The following IRAG1 variants were observed in gnomAD, a reference collection of about 807,000 sequenced individuals.
The protein encoded by IRAG1 is IP3R-associated cGMP kinase substrate.
In IRAG1, 62 loss-of-function variants were observed where a neutral mutation model predicts 106.2. That is an observed-to-expected ratio of 0.58 (90% CI 0.48 to 0.72). The LOEUF is 0.72. Ranked by LOEUF, IRAG1 falls within the 30% of genes least tolerant of loss-of-function variation. The pLI is 0.00. For synonymous variants in IRAG1, 462 were observed against 443.9 expected (o/e 1.04, Z -0.51); for missense variants, 1,064 against 1,140.7 (o/e 0.93, Z 0.97).
Position 10,665,423 on chromosome 11 carries a change from C to T in IRAG1, c.68-13241G>A, listed in dbSNP as rs1406000782. Among the ~76,000 whole-genome samples, 1 of 152,218 alleles carries T rather than the reference C, an allele frequency of 6.6e-6. No individual in the cohort carries two copies. The highest frequency in any genetic ancestry group is 2.1e-4 in the South Asian group (1 of 4,832). Reference sequence around the variant, plus strand: ...AGAGGAGTGACTCGGTTTGACCAACCTCCATGTTCCTGCCTAGACGATAGA... The same window carrying T: ...AGAGGAGTGACTCGGTTTGACCAACTTCCATGTTCCTGCCTAGACGATAGA... On this transcript the variant is annotated intron_variant, in intron 1 of 20. Transcript: ENST00000423302. The surrounding 1 kb of genome is among the most constrained non-coding windows in gnomAD (Gnocchi z 4.2).
rs557262282 is a variant in IRAG1 at position 10,641,479 on chromosome 11, C to T, written c.226-7408G>A. Among the ~76,000 whole-genome samples the T allele has an allele frequency of 5.9e-5, 9 of 152,288 alleles. No homozygotes were observed. In the South Asian group the frequency reaches 1.0e-3, roughly 18 times the overall value. ...ACCCACCACCAAGGCCACCTTCACCCGGCTCCACTCCCTCTCACCCTCTGC... is the reference window on the plus strand; with the variant it reads ...ACCCACCACCAAGGCCACCTTCACCTGGCTCCACTCCCTCTCACCCTCTGC... On this transcript the variant is annotated intron_variant, in intron 2 of 20. Transcript: ENST00000423302.
At chr11:10,631,780 C>T (rs1856709695) in intron 4 of IRAG1, among the ~76,000 whole-genome samples, 1 of 152,244 alleles carries the variant, frequency 6.6e-6, no homozygotes, top group South Asian at 2.1e-4. Context: ...GCATCTTCCT[C>T]TTCATGCCCT....
chr11:10,584,765 T>C (rs2134128114), intron 18 of IRAG1, among the ~76,000 whole-genome samples: 1 of 152,110 alleles, frequency 6.6e-6, no homozygotes, highest in South Asian at 2.1e-4. Flanking sequence ...CTTCCTGAAC[T>C]TCAGATTCCT....
rs190763271 is a variant in IRAG1, at chr11:10,647,835, T to G, written c.225+4190A>C. ...TGTCCTGAGCGGAGGTTAGGAAGGC[T>G]CTGAACACTGTCATGGGAGCAAAGA... On this transcript the variant is annotated intron_variant, in intron 2 of 20. Coordinates refer to ENST00000423302, the MANE Select transcript of IRAG1 (RefSeq NM_130385.4). The surrounding 1 kb of genome is among the most constrained non-coding windows in gnomAD (Gnocchi z 4.3). Among the ~76,000 whole-genome samples the G allele has an allele frequency of 7.2e-5, 11 of 152,238 alleles. No individual in the cohort carries two copies. The highest frequency in any genetic ancestry group is 7.2e-4 in the Admixed American group (11 of 15,288).
In IRAG1 at chr11:10,573,420, CATCCTCACTGAAA is replaced by C. The variant is rs1850681578; in HGVS notation, c.*2899_*2911del. 1 of 152,320 alleles carries C rather than the reference CATCCTCACTGAAA, an allele frequency of 6.6e-6. No homozygotes were observed. Among genetic ancestry groups the C allele is most frequent in the Non-Finnish European group, 1.5e-5 (1 of 68,114 alleles). 9.4% of individuals were successfully genotyped at this position (152,320 alleles called of 1,614,324 possible). On this transcript the variant is annotated 3_prime_UTR_variant, in exon 21 of 21. Coordinates refer to ENST00000423302, the MANE Select transcript of IRAG1 (RefSeq NM_130385.4). Reference sequence around the variant, plus strand: ...GCATTTGGGGGACTCTTCAGATCCACATCCTCACTGAAAATCCAGGGCCTGTTTCTCTCCAGTT... The same window carrying C: ...GCATTTGGGGGACTCTTCAGATCCACATCCAGGGCCTGTTTCTCTCCAGTT...
intron 2 of IRAG1, among the ~76,000 whole-genome samples, chr11:10,638,844 G>T (rs1165088553): frequency 2.6e-5 from 4 of 152,150 alleles, no homozygotes; most frequent in Non-Finnish European, 4.4e-5. Flanking sequence ...GTGGTATTAG[G>T]AGAGTTATAG....
At chr11:10,580,431 G>A in intron 20 of IRAG1, 24 bp downstream of exon 20, 1 of 1,600,742 alleles carries the variant, frequency 6.2e-7, no homozygotes, top group South Asian at 1.1e-5. Flanking sequence ...GCAACGGCAA[G>A]GACTCCAAAC....
chr11:10,677,711 C>A (rs1423711234), intron 1 of IRAG1, among the ~76,000 whole-genome samples: 2 of 152,202 alleles, frequency 1.3e-5, no homozygotes, highest in African/African-American at 4.8e-5. Context: ...GCACCTATCA[C>A]CCCTACCTAG....
chr11:10,580,425 C>T (rs760478557), intron 20 of IRAG1, 30 bp downstream of exon 20: 47 of 1,595,470 alleles, frequency 2.9e-5, no homozygotes, highest in Admixed American at 5.5e-5. Context: ...ATTTCAGCAA[C>T]GGCAAGGACT....
chr11:10,582,524 C>T (rs998735169), intron 18 of IRAG1, among the ~76,000 whole-genome samples: 1 of 152,166 alleles, frequency 6.6e-6, no homozygotes, highest in Non-Finnish European at 1.5e-5. Context: ...CAAATAATAA[C>T]TTTTATGAAA....
intron 18 of IRAG1, among the ~76,000 whole-genome samples, chr11:10,584,612 T>C (rs1218559474): frequency 6.8e-6 from 1 of 146,044 alleles, no homozygotes; most frequent in African/African-American, 2.5e-5. Flanking sequence ...TATCAGACTT[T>C]TGATTTATAT....
At chr11:10,668,656 T>C (rs767381007) in intron 1 of IRAG1, among the ~76,000 whole-genome samples, 1 of 152,204 alleles carries the variant, frequency 6.6e-6, no homozygotes, top group Non-Finnish European at 1.5e-5. Flanking sequence ...TCTAACATAA[T>C]TGCAATTATT....
intron 19 of IRAG1, 113 bp from the exon 20 acceptor site, chr11:10,580,702 A>G (rs1019494180): frequency 5.5e-5 from 71 of 1,284,462 alleles, no homozygotes; most frequent in Non-Finnish European, 7.5e-5. Flanking sequence ...TGTGCTTCCT[A>G]TGGTTCCACA....
In IRAG1 at chr11:10,575,648, G is replaced by T. The variant is rs925709477; in HGVS notation, c.*684C>A. The T allele has an allele frequency of 6.5e-6, 1 of 153,192 alleles. No homozygotes were observed. The highest frequency in any genetic ancestry group is 1.5e-5 in the Non-Finnish European group (1 of 68,810). The allele number at this position is 153,192 out of a possible 1,614,324, so 9.5% of individuals were successfully genotyped here. On this transcript the variant is annotated 3_prime_UTR_variant, in exon 21 of 21. Transcript: ENST00000423302. ...TTGGCTCTGTGCACAGGCATGTTGT[G>T]TGTGTGTACACAACAGTATGTGTGT...
At chr11:10,627,925 G>A in intron 7 of IRAG1, 48 bp downstream of exon 7, 1 of 1,582,980 alleles carries the variant, frequency 6.3e-7, no homozygotes, top group Non-Finnish European at 8.6e-7. Flanking sequence ...GGTAAGGGGA[G>A]AGACCCATTG....
rs1850687324 is a variant in IRAG1, at chr11:10,573,566, T to A, written c.*2766A>T. The stretch of plus-strand genomic sequence containing the variant: ...GCCCCTGTATATATGGCTATTCTTA[T>A]GCTCCCTTTTGGAGATGTCCTTTTC... On this transcript the variant is annotated 3_prime_UTR_variant, in exon 21 of 21. Transcript: ENST00000423302. The A allele has an allele frequency of 6.6e-6, 1 of 152,262 alleles. No individual in the cohort carries two copies. The highest frequency in any genetic ancestry group is 6.5e-5 in the Admixed American group (1 of 15,286). The allele number at this position is 152,262 out of a possible 1,614,324, so 9.4% of individuals were successfully genotyped here. A position where few individuals can be genotyped will look rare whatever the true frequency, so the allele number is the denominator to read the frequency against.
At chr11:10,581,243 T>C (rs1232673958) in intron 19 of IRAG1, among the ~76,000 whole-genome samples, 5 of 152,080 alleles carry the variant, frequency 3.3e-5, no homozygotes, top group South Asian at 2.1e-4. Flanking sequence ...CTGAAGCCCA[T>C]GGGTTCTGTG....
chr11:10,603,656 A>G (rs1382655106), intron 13 of IRAG1, among the ~76,000 whole-genome samples: 1 of 152,004 alleles, frequency 6.6e-6, no homozygotes, highest in Non-Finnish European at 1.5e-5. Context: ...TGTGCCCCCC[A>G]CAAAGTCATC....
chr11:10,660,278 GATAA>G lies in IRAG1; in HGVS notation c.68-8100_68-8097del, dbSNP rs113027090. On this transcript the variant is annotated intron_variant, in intron 1 of 20. Coordinates refer to ENST00000423302, the MANE Select transcript of IRAG1 (RefSeq NM_130385.4). ...ATGAACTCACATTAAACAAAAAGGA[GATAA>G]ATACTCAAAATAACTGCTTTTTAAT... 3.3e-3 allele frequency among the ~76,000 whole-genome samples: 496 copies of G among 152,304 alleles called. 4 individuals carry two copies. The highest frequency in any genetic ancestry group is 0.011 in the African/African-American group (460 of 41,560).
Sources: allele counts gnomAD v4.1 joint callset (sites outside exome capture counted in the v4.1 genomes callset), GRCh38; gene constraint gnomAD v4.1.1; non-coding constraint Gnocchi (gnomAD v3.1); transcripts MANE v1.5; gene names NCBI Gene and HGNC (gene_info 2026-07-23, HGNC 2026-07-21).